The following DYNC1H1 variants were observed in gnomAD, a reference collection of about 807,000 sequenced individuals.
DYNC1H1 encodes cytoplasmic dynein 1 heavy chain 1.
Under a neutral mutation model 527.1 loss-of-function variants are expected in DYNC1H1, and 51 were observed. That is an observed-to-expected ratio of 0.10 (90% confidence interval 0.08 to 0.12). The LOEUF (loss-of-function observed/expected upper bound fraction) is 0.12, where lower values mean the gene tolerates loss of function less well. Among genes scored for constraint, DYNC1H1 ranks in the 10% least tolerant of loss-of-function variants. DYNC1H1 has a pLI of 1.00. For synonymous variants in DYNC1H1, 2,189 were observed against 2,278.8 expected, an observed-to-expected ratio of 0.96 and a Z score of 1.12; for missense variants, 2,771 against 5,971.8, an observed-to-expected ratio of 0.46 and a Z score of 17.66.
At position 102,021,818 on chromosome 14, in the gene DYNC1H1, G is replaced by A. The variant is rs575769877; in HGVS notation, c.8508-933G>A. On this transcript the variant is annotated intron_variant, in intron 42 of 77. Transcript: ENST00000360184. ...TGGGATTACAGACATGTGCCACCAC[G>A]CCTGGCTGATTTTTATATTTTTAGT... 2.0e-4 allele frequency among the ~76,000 whole-genome samples: 31 copies of A among 151,806 alleles called. No homozygotes were observed. In the Middle Eastern group the frequency reaches 0.01, roughly 50 times the overall value.
chr14:101,976,183 A>C (rs540237336), intron 2 of DYNC1H1, among the ~76,000 whole-genome samples: 2 of 151,274 alleles, frequency 1.3e-5, no homozygotes, highest in South Asian at 4.2e-4. Flanking sequence ...CTAGGATTAC[A>C]GACGTGAGCC....
intron 23 of DYNC1H1, among the ~76,000 whole-genome samples, chr14:102,004,068 C>T (rs961603226): frequency 1.4e-4 from 21 of 151,458 alleles, no homozygotes; most frequent in African/African-American, 2.4e-4. Flanking sequence ...GGTGAAACCC[C>T]GTCTCTACTA....
In DYNC1H1 at chr14:102,044,761, GGTGGCGAGGGTCCCCACACGCAGGGTGA is replaced by G; in HGVS notation, c.13006+67_13006+94del. ...GGCGAGGGTCCCCTCACGCGGGGTGGGTGGCGAGGGTCCCCACACGCAGGGTGAGTGTGCACTGCTGTCCCAGGGCCCT... is the reference window on the plus strand; with the variant it reads ...GGCGAGGGTCCCCTCACGCGGGGTGGGTGTGCACTGCTGTCCCAGGGCCCT... On this transcript the variant is annotated intron_variant, in intron 72 of 77. Coordinates refer to ENST00000360184, the MANE Select transcript of DYNC1H1 (RefSeq NM_001376.5). This position sits in a 1 kb window ranked among gnomAD's most constrained non-coding sequence, Gnocchi z 7.1. The G allele has an allele frequency of 7.1e-7, 1 of 1,411,076 alleles. No individual in the cohort carries two copies. The highest frequency in any genetic ancestry group is 1.3e-5 in the South Asian group (1 of 76,510). The allele number at this position is 1,411,076 out of a possible 1,614,324, so 87.4% of individuals were successfully genotyped here. A position where few individuals can be genotyped will look rare whatever the true frequency, so the allele number is the denominator to read the frequency against.
Position 102,017,508 on chromosome 14 carries a change from A to T in DYNC1H1, c.8177+4A>T. ...GAAGAAAGCCCCTCTCACACAGGTA[A>T]AACAGCTCGGTAGACTGCTCTGCTT... On this transcript the variant is annotated splice_donor_region_variant and intron_variant, in intron 40 of 77. Coordinates refer to ENST00000360184, the MANE Select transcript of DYNC1H1 (RefSeq NM_001376.5). The surrounding 1 kb of genome is among the most constrained non-coding windows in gnomAD (Gnocchi z 4.6). The T allele has an allele frequency of 6.2e-7, 1 of 1,613,954 alleles. No individual in the cohort carries two copies. The highest frequency in any genetic ancestry group is 2.2e-5 in the East Asian group (1 of 44,858).
At chr14:102,047,563 A>C in intron 72 of DYNC1H1, 1 of 274,542 alleles carries the variant, frequency 3.6e-6, no homozygotes, top group East Asian at 9.0e-5. Flanking sequence ...ACACACACAC[A>C]CATATATATA....
At chr14:102,021,377 C>G (rs890290640) in intron 42 of DYNC1H1, among the ~76,000 whole-genome samples, 15 of 152,012 alleles carry the variant, frequency 9.9e-5, no homozygotes, top group African/African-American at 3.6e-4. Context: ...ACCCTGTCTC[C>G]CACAATATAG....
rs1158597204 is a variant in DYNC1H1, at chr14:102,048,001, C to T, written c.13191C>T (p.His4397=). 6.2e-7 allele frequency: 1 copy of T among 1,612,030 alleles called. No homozygotes were observed. The highest frequency in any genetic ancestry group is 8.5e-7 in the Non-Finnish European group (1 of 1,179,934). ...WLHLIPQTLS[H]LKRTVENIKD... ...ACCTCATCCCCCAGACGCTGAGCCA[C>T]CTCAAGCGCACCGTGGAGAATATCA... Residue 4397 remains histidine (H), a synonymous_variant, in exon 73 of 78, where the codon CAC becomes CAT. Coordinates refer to ENST00000360184, the MANE Select transcript of DYNC1H1 (RefSeq NM_001376.5).
intron 56 of DYNC1H1, 152 bp downstream of exon 56, chr14:102,034,604 G>A (rs1031977083): frequency 1.6e-5 from 20 of 1,234,770 alleles, no homozygotes; most frequent in African/African-American, 7.4e-5. Flanking sequence ...ATGGTGGGGC[G>A]TGTGCTGTTC....
At chr14:101,981,322 C>T (rs2047861168) in intron 5 of DYNC1H1, among the ~76,000 whole-genome samples, 1 of 152,118 alleles carries the variant, frequency 6.6e-6, no homozygotes. Flanking sequence ...GGGGACTTGC[C>T]ACGTTGCCCA....
Position 102,047,641 on chromosome 14 carries a change from G to GTGTGTATATATATATATATATA in DYNC1H1, c.13007-175_13007-174insGTGTATATATATATATATATAT. On this transcript the variant is annotated intron_variant, in intron 72 of 77. Transcript: ENST00000360184. ...TACACGTGTGTGTGTGTGTGTGTGT[G>GTGTGTATATATATATATATATA]TATATATATATATATATATATATGT... 1.8e-3 allele frequency: 568 copies of GTGTGTATATATATATATATATA among 316,560 alleles called. 9 individuals carry two copies. Among genetic ancestry groups the GTGTGTATATATATATATATATA allele is most frequent in the African/African-American group, 0.014 (358 of 25,424 alleles). 19.6% of individuals were successfully genotyped at this position (316,560 alleles called of 1,614,324 possible).
At chr14:102,048,176 G>A in intron 73 of DYNC1H1, 148 bp downstream of exon 73, 1 of 1,078,020 alleles carries the variant, frequency 9.3e-7, no homozygotes, top group Non-Finnish European at 1.3e-6. Context: ...GTCCAGCTGA[G>A]CCCAGGCATT....
At chr14:102,004,990 G>A (rs372931903) in intron 25 of DYNC1H1, 40 bp downstream of exon 25, 45 of 1,614,058 alleles carry the variant, frequency 2.8e-5, no homozygotes, top group East Asian at 6.7e-5. Flanking sequence ...TGGTGAAAAC[G>A]CAGACCAATC....
intron 2 of DYNC1H1, among the ~76,000 whole-genome samples, chr14:101,976,012 A>G (rs2047796151): frequency 6.6e-6 from 1 of 151,476 alleles, no homozygotes; most frequent in African/African-American, 2.4e-5. Flanking sequence ...GGTTCAAGCA[A>G]TTCTCCTGCC....
At position 102,041,754 on chromosome 14, in the gene DYNC1H1, C is replaced by T. The variant is rs200362531; in HGVS notation, c.12102+20C>T. 109 of 1,613,742 alleles carry T rather than the reference C, an allele frequency of 6.8e-5. No individual in the cohort carries two copies. Among genetic ancestry groups the T allele is most frequent in the East Asian group, 8.9e-5 (4 of 44,888 alleles). On this transcript the variant is annotated intron_variant, in intron 65 of 77. Transcript: ENST00000360184. The surrounding 1 kb of genome is among the most constrained non-coding windows in gnomAD (Gnocchi z 4.5). ...ACAGAGGTAATGTCCTGGTACAGCC[C>T]GGGCTTCCCACGAGACTCCATGCCC...
intron 43 of DYNC1H1, chr14:102,023,095 T>A: frequency 1.4e-6 from 1 of 694,474 alleles, no homozygotes; most frequent in Non-Finnish European, 2.3e-6. Context: ...AGACTCCACC[T>A]CTACAAAAAA....
In DYNC1H1 at chr14:102,036,454, T is replaced by A. The variant is rs1426082524; in HGVS notation, c.10755-35T>A. Reference sequence around the variant, plus strand: ...GTGATCCTGTGCTTTCCCCATTCGGTGTTTCAACCTTCTCTTCTGTGGCCT... The same window carrying A: ...GTGATCCTGTGCTTTCCCCATTCGGAGTTTCAACCTTCTCTTCTGTGGCCT... On this transcript the variant is annotated intron_variant, in intron 56 of 77. Transcript: ENST00000360184. This position sits in a 1 kb window ranked among gnomAD's most constrained non-coding sequence, Gnocchi z 5.6. The A allele has an allele frequency of 2.5e-6, 4 of 1,612,156 alleles. No individual in the cohort carries two copies. The South Asian group carries it at 3.3e-5, about 13-fold the overall frequency.
In DYNC1H1 at chr14:102,041,204, G is replaced by A. The variant is rs1001713857; in HGVS notation, c.11942-370G>A. On this transcript the variant is annotated intron_variant, in intron 64 of 77. Transcript: ENST00000360184. The surrounding 1 kb of genome is among the most constrained non-coding windows in gnomAD (Gnocchi z 4.5). ...GGAATGCCATCAGCCGTTTTTGAGT[G>A]TGTTAGGCCAGACCCTGGGCTAGCC... is the stretch of plus-strand genomic sequence containing the variant. 2 of 376,514 alleles carry A rather than the reference G, an allele frequency of 5.3e-6. No individual in the cohort carries two copies. The highest frequency in any genetic ancestry group is 2.3e-5 in the South Asian group (1 of 44,336). The allele number at this position is 376,514 out of a possible 1,614,324, so 23.3% of individuals were successfully genotyped here.
chr14:102,033,833 TCTC>T lies in DYNC1H1; in HGVS notation c.10414-139_10414-137del. ...TTAGTTATATATGATCTGGGTCTCA[TCTC>T]CTCTGGGACTGTGAACAACTTGGGC... On this transcript the variant is annotated intron_variant, in intron 54 of 77. Transcript: ENST00000360184. This position sits in a 1 kb window ranked among gnomAD's most constrained non-coding sequence, Gnocchi z 5.6. 1 of 861,490 alleles carries T rather than the reference TCTC, an allele frequency of 1.2e-6. No homozygotes were observed. The highest frequency in any genetic ancestry group is 1.5e-5 in the South Asian group (1 of 68,588). The allele number at this position is 861,490 out of a possible 1,614,324, so 53.4% of individuals were successfully genotyped here.
At position 102,000,948 on chromosome 14, in the gene DYNC1H1, C is replaced by T. The variant is rs377411812; in HGVS notation, c.4075-6C>T. On this transcript the variant is annotated splice_polypyrimidine_tract_variant and splice_region_variant and intron_variant, in intron 18 of 77. Transcript: ENST00000360184. ...GCTAAATAGCATCTTATGTTTCTCT[C>T]GACAGCTTCGACAAAATTTGGATGC... 5.3e-5 allele frequency: 86 copies of T among 1,611,996 alleles called. No homozygotes were observed. In the African/African-American group the frequency reaches 8.8e-4, roughly 17 times the overall value.
Sources: gnomAD v4.1 joint callset for allele counts (sites outside exome capture counted in the v4.1 genomes callset) on GRCh38, gnomAD v4.1.1 for gene constraint, Gnocchi (gnomAD v3.1) non-coding constraint, MANE v1.5 for transcripts, NCBI Gene and HGNC (gene_info 2026-07-23, HGNC 2026-07-21) for gene names.